Variants in NAP1L4 observed in about 807,000 individuals in gnomAD.
NAP1L4 encodes the protein nucleosome assembly protein 1 like 4.
In NAP1L4, 15 loss-of-function variants were observed where a neutral mutation model predicts 58.2. The ratio of observed to expected loss-of-function variants is 0.26; its 90% CI spans 0.17 to 0.40. The LOEUF is 0.40. Ranked by LOEUF, NAP1L4 falls within the 10% of genes least tolerant of loss-of-function variation. The pLI is 1.00. For synonymous variants in NAP1L4, 171 were observed against 155.6 expected (o/e 1.10, Z -0.74); for missense variants, 384 against 451.1 (o/e 0.85, Z 1.35).
intron 3 of NAP1L4, 98 bp downstream of exon 3, chr11:2,978,186 C>T: frequency 8.8e-7 from 1 of 1,133,404 alleles, no homozygotes; most frequent in Non-Finnish European, 1.3e-6. Context: ...CCTAAAACCA[C>T]TGCAGTACAG....
chr11:2,952,032 T>C, intron 12 of NAP1L4: 1 of 609,434 alleles, frequency 1.6e-6, no homozygotes, highest in Admixed American at 2.8e-5. Context: ...AGGAATAGGA[T>C]AGGAAGCTGG....
chr11:2,977,988 A>T (rs1052848532), intron 3 of NAP1L4, among the ~76,000 whole-genome samples: 8 of 152,136 alleles, frequency 5.3e-5, no homozygotes, highest in African/African-American at 1.7e-4. Flanking sequence ...GTAACACAGC[A>T]AGGCTCCATC....
At position 2,971,602 on chromosome 11, in the gene NAP1L4, A is replaced by G; in HGVS notation, c.316-68T>C. On this transcript the variant is annotated intron_variant, in intron 5 of 15. Coordinates refer to ENST00000380542, the MANE Select transcript of NAP1L4 (RefSeq NM_005969.4). The surrounding 1 kb of genome is among the most constrained non-coding windows in gnomAD (Gnocchi z 4.2). ...ACTTAGGAACTCAAGAGTTAAATTT[A>G]TAAATAATGTCTACTAAAAGACTTT... 8.0e-7 allele frequency: 1 copy of G among 1,246,580 alleles called. No individual in the cohort carries two copies. The highest frequency in any genetic ancestry group is 2.0e-5 in the Admixed American group (1 of 50,802). 77.2% of individuals were successfully genotyped at this position (1,246,580 alleles called of 1,614,324 possible). A position where few individuals can be genotyped will look rare whatever the true frequency, so the allele number is the denominator to read the frequency against.
intron 1 of NAP1L4, among the ~76,000 whole-genome samples, chr11:2,982,034 T>C (rs1055309633): frequency 6.6e-6 from 1 of 152,218 alleles, no homozygotes; most frequent in Non-Finnish European, 1.5e-5. Context: ...TCATAACAAT[T>C]GTTTAAGGAC....
chr11:2,964,583 G>A (rs1564980195), intron 8 of NAP1L4, 97 bp downstream of exon 8: 1 of 957,264 alleles, frequency 1.0e-6, no homozygotes. Context: ...GTGGCTGGGT[G>A]TGGGTTTTGT....
chr11:2,989,480 A>C (rs1848828286), intron 1 of NAP1L4, among the ~76,000 whole-genome samples: 1 of 152,220 alleles, frequency 6.6e-6, no homozygotes, highest in Non-Finnish European at 1.5e-5. Context: ...AAACAAACTG[A>C]AAAATATAGG....
chr11:2,953,291 T>TTG (rs1348789229), intron 12 of NAP1L4, among the ~76,000 whole-genome samples: 1 of 152,256 alleles, frequency 6.6e-6, no homozygotes, highest in Non-Finnish European at 1.5e-5. Flanking sequence ...ACATGCATAT[T>TTG]CAAGTCCTTT....
chr11:2,976,450 C>T (rs1033246878), intron 3 of NAP1L4, among the ~76,000 whole-genome samples: 7 of 152,144 alleles, frequency 4.6e-5, no homozygotes, highest in Admixed American at 2.0e-4. Flanking sequence ...TTCACATGGT[C>T]TACCCCCAAG....
intron 1 of NAP1L4, among the ~76,000 whole-genome samples, chr11:2,980,048 G>A (rs1461312596): frequency 6.6e-6 from 1 of 152,092 alleles, no homozygotes; most frequent in Non-Finnish European, 1.5e-5. Context: ...AAAACCTTGT[G>A]TAATATACTC....
chr11:2,972,090 A>T lies in NAP1L4; in HGVS notation c.315+12T>A, dbSNP rs1847671025. On this transcript the variant is annotated intron_variant, in intron 5 of 15. Transcript: ENST00000380542. ...AAAACTATCTGTATATTAAATTAAC[A>T]GAGCTCCCTACCTTGTCAAAGAGAG... 1 of 1,539,160 alleles carries T rather than the reference A, an allele frequency of 6.5e-7. No homozygotes were observed. The highest frequency in any genetic ancestry group is 2.4e-5 in the East Asian group (1 of 42,074).
rs754415348 is a variant in NAP1L4 at position 2,969,888 on chromosome 11, G to A, written c.449C>T (p.Thr150Met). Residue 150 changes from threonine (T) to methionine (M), a missense_variant, in exon 7 of 16, where the codon ACG becomes ATG. By Grantham distance (81) the Thr-to-Met change is moderately conservative (BLOSUM62 -1). Transcript: ENST00000380542. ...KVVVTEKAAATAEEPDPKGIP... is the reference protein window; with the variant it reads ...KVVVTEKAAAMAEEPDPKGIP... ...TCCTTTGGGATCTGGCTCTTCAGCC[G>A]TTGCCGCTGCTTTTTCTGTGACGAC... The A allele has an allele frequency of 2.0e-5, 32 of 1,613,480 alleles. No individual in the cohort carries two copies. The Middle Eastern group carries it at 4.9e-4, about 25-fold the overall frequency.
rs750615203 is a variant in NAP1L4, at chr11:2,969,806, G to A, written c.531C>T (p.Val177=). The A allele has an allele frequency of 3.1e-6, 5 of 1,611,334 alleles. No individual in the cohort carries two copies. Among genetic ancestry groups the A allele is most frequent in the Non-Finnish European group, 4.2e-6 (5 of 1,178,856 alleles). The stretch of plus-strand genomic sequence containing the variant: ...TACAAGACAGAAGTGTGCTTACCTG[G>A]ACTAATTCACTCAGCATGTCCACAT... ...FRNVDMLSEL[V]QEYDEPILKH... Residue 177 remains valine (V), a synonymous_variant, in exon 7 of 16, where the codon GTC becomes GTT. Transcript: ENST00000380542.
chr11:2,983,883 G>A (rs1848470146), intron 1 of NAP1L4: 1 of 135,622 alleles, frequency 7.4e-6, no homozygotes, highest in African/African-American at 3.1e-5. Flanking sequence ...CAATTCAGGA[G>A]GCTGAGGCAG....
chr11:2,966,994 T>C (rs112752987), intron 7 of NAP1L4, among the ~76,000 whole-genome samples: 8 of 152,224 alleles, frequency 5.3e-5, no homozygotes, highest in East Asian at 3.8e-4. Context: ...GGCATCGCAC[T>C]CAGATCGTAA....
chr11:2,982,952 G>C (rs1038724319), intron 1 of NAP1L4, among the ~76,000 whole-genome samples: 13 of 152,136 alleles, frequency 8.5e-5, no homozygotes, highest in African/African-American at 2.4e-4. Context: ...CCCAGGAGGC[G>C]GAGTTTGCAG....
chr11:2,983,550 A>G (rs1468103), intron 1 of NAP1L4, among the ~76,000 whole-genome samples: 31,637 of 151,486 alleles, frequency 0.21, 3,543 homozygotes, highest in South Asian at 0.34. Flanking sequence ...TTTTGTTAAC[A>G]AGATGACAAG....
At chr11:2,984,602 A>G (rs1848518798) in intron 1 of NAP1L4, among the ~76,000 whole-genome samples, 1 of 152,066 alleles carries the variant, frequency 6.6e-6, no homozygotes, top group Non-Finnish European at 1.5e-5. Flanking sequence ...ACTAACAAAC[A>G]CACTTCAATG....
chr11:2,960,228 G>A (rs754333407), intron 8 of NAP1L4: 30 of 276,548 alleles, frequency 1.1e-4, no homozygotes, highest in Non-Finnish European at 2.0e-4. Context: ...CCTGGAAGGA[G>A]GGAAGGTGAC....
intron 4 of NAP1L4, among the ~76,000 whole-genome samples, chr11:2,974,766 C>T (rs1223475115): frequency 6.6e-6 from 1 of 151,956 alleles, no homozygotes; most frequent in Non-Finnish European, 1.5e-5. Flanking sequence ...ACAAAACAAA[C>T]AAAAAAACAC....
Sources: gnomAD v4.1 joint callset for allele counts (sites outside exome capture counted in the v4.1 genomes callset) on GRCh38, gnomAD v4.1.1 for gene constraint, Gnocchi (gnomAD v3.1) non-coding constraint, MANE v1.5 for transcripts, NCBI Gene and HGNC (gene_info 2026-07-23, HGNC 2026-07-21) for gene names.